The following ARHGEF3 variants were observed in gnomAD, a reference collection of about 807,000 sequenced individuals.
ARHGEF3 encodes 59.8 kDA protein.
In ARHGEF3, 28 loss-of-function variants were observed where a neutral mutation model predicts 63.2. That is an observed-to-expected ratio of 0.44 (90% CI 0.33 to 0.61). The LOEUF is 0.61. Among genes scored for constraint, ARHGEF3 ranks in the 20% least tolerant of loss-of-function variants. ARHGEF3 has a pLI of 0.03. For missense variants in ARHGEF3, 533 were observed against 659.3 expected, an observed-to-expected ratio of 0.81 and a Z score of 2.10; for synonymous variants, 266 against 254.2, an observed-to-expected ratio of 1.05 and a Z score of -0.44.
intron 2 of ARHGEF3, among the ~76,000 whole-genome samples, chr3:56,981,324 T>C (rs1424652619): frequency 6.6e-6 from 1 of 152,210 alleles, no homozygotes; most frequent in Non-Finnish European, 1.5e-5. Context: ...TAATGCATCA[T>C]TCTAGCCTTT....
At chr3:56,848,441 C>T (rs115862371) in intron 4 of ARHGEF3, among the ~76,000 whole-genome samples, 1 of 152,268 alleles carries the variant, frequency 6.6e-6, no homozygotes, top group Non-Finnish European at 1.5e-5. Flanking sequence ...GGCTATAATA[C>T]CCTCTCCCTT....
chr3:57,042,682 A>T (rs1560156135), intron 1 of ARHGEF3, among the ~76,000 whole-genome samples: 14 of 17,296 alleles, frequency 8.1e-4, no homozygotes, highest in African/African-American at 3.3e-3. Flanking sequence ...ATATATATAT[A>T]TATATATATA....
intron 2 of ARHGEF3, among the ~76,000 whole-genome samples, chr3:57,004,404 G>A (rs950521190): frequency 2.6e-5 from 4 of 152,148 alleles, no homozygotes; most frequent in Admixed American, 6.5e-5. Flanking sequence ...TCAGTGGCTC[G>A]TCTGCATTTA....
At chr3:56,934,819 C>T (rs866062750) in intron 3 of ARHGEF3, among the ~76,000 whole-genome samples, 21 of 152,242 alleles carry the variant, frequency 1.4e-4, no homozygotes, top group African/African-American at 4.8e-4. Context: ...TGCACCCAGT[C>T]CCATCGACCA....
At chr3:56,941,019 T>C (rs1289215406) in intron 3 of ARHGEF3, 1 of 152,254 alleles carries the variant, frequency 6.6e-6, no homozygotes, top group Non-Finnish European at 1.5e-5. Context: ...ACTCAGACTC[T>C]GGGCTGACCA....
intron 1 of ARHGEF3, among the ~76,000 whole-genome samples, chr3:56,777,688 T>C (rs1192473798): frequency 6.6e-6 from 1 of 152,182 alleles, no homozygotes; most frequent in African/African-American, 2.4e-5. Flanking sequence ...TGCACTTCCT[T>C]TTTGCAGCCA....
At chr3:56,976,496 T>A (rs893392891) in intron 2 of ARHGEF3, among the ~76,000 whole-genome samples, 3 of 152,212 alleles carry the variant, frequency 2.0e-5, no homozygotes, top group South Asian at 2.1e-4. Flanking sequence ...CAATACTATA[T>A]TGATCAGAAA....
At chr3:57,066,270 C>CTT (rs796586047) in intron 1 of ARHGEF3, among the ~76,000 whole-genome samples, 3 of 145,312 alleles carry the variant, frequency 2.1e-5, no homozygotes, top group Non-Finnish European at 3.0e-5. Context: ...TCCTTTCTTT[C>CTT]TTTTTTTTTT....
intron 3 of ARHGEF3, among the ~76,000 whole-genome samples, chr3:56,890,869 A>C (rs565359981): frequency 6.6e-6 from 1 of 152,350 alleles, no homozygotes; most frequent in African/African-American, 2.4e-5. Context: ...ACTTGGCAGC[A>C]AATAGTCCCT....
At chr3:56,960,080 A>G (rs1473798730) in intron 2 of ARHGEF3, among the ~76,000 whole-genome samples, 1 of 152,244 alleles carries the variant, frequency 6.6e-6, no homozygotes, top group Non-Finnish European at 1.5e-5. Context: ...TGTAGTGACC[A>G]GTGTACAGGC....
intron 2 of ARHGEF3, among the ~76,000 whole-genome samples, chr3:56,994,082 A>AAAAAAAAAAAAAAAAAAAAAAAAAAAC (rs1433202567): frequency 6.9e-6 from 1 of 144,242 alleles, no homozygotes. Flanking sequence ...AAAAAAAAAA[A>AAAAAAAAAAAAAAAAAAAAAAAAAAAC]AAAGCACACT....
intron 3 of ARHGEF3, among the ~76,000 whole-genome samples, chr3:56,936,085 GA>G (rs1207644737): frequency 1.3e-5 from 2 of 152,132 alleles, no homozygotes; most frequent in Non-Finnish European, 2.9e-5. Flanking sequence ...CCCAGTGCAA[GA>G]AAGAAAAACT....
At chr3:56,931,784 C>T (rs1391909795) in intron 3 of ARHGEF3, among the ~76,000 whole-genome samples, 1 of 152,102 alleles carries the variant, frequency 6.6e-6, no homozygotes, top group Non-Finnish European at 1.5e-5. Flanking sequence ...ATGTGCCCAA[C>T]ACAGAGAGGC....
rs1229028276 is a variant in ARHGEF3, at chr3:57,020,737, G to A, written c.62+14351C>T. Among the ~76,000 whole-genome samples, 5 of 152,192 alleles carry A rather than the reference G, an allele frequency of 3.3e-5. No individual in the cohort carries two copies. The South Asian group carries it at 1.0e-3, about 31-fold the overall frequency. On this transcript the variant is annotated intron_variant, in intron 2 of 12. Transcript: ENST00000338458. ...GACAGCAAGGCCTAATCGACACTGA[G>A]CCCCTGGATCCCACCATGCCTGAGG...
intron 4 of ARHGEF3, among the ~76,000 whole-genome samples, chr3:56,847,312 A>C (rs956616195): frequency 2.0e-5 from 3 of 152,216 alleles, no homozygotes; most frequent in Non-Finnish European, 4.4e-5. Flanking sequence ...CATAATTCTA[A>C]GACTCAAATT....
intron 1 of ARHGEF3, among the ~76,000 whole-genome samples, chr3:56,776,235 A>G (rs1318320379): frequency 6.6e-6 from 1 of 152,144 alleles, no homozygotes; most frequent in Non-Finnish European, 1.5e-5. Flanking sequence ...GCACAGCTAT[A>G]AGATGTAGGT....
chr3:56,799,526 A>G (rs2107960047), intron 1 of ARHGEF3, among the ~76,000 whole-genome samples: 1 of 152,388 alleles, frequency 6.6e-6, no homozygotes, highest in East Asian at 1.9e-4. Flanking sequence ...TTTCAGAGGA[A>G]TTAACAGTCA....
chr3:56,916,415 G>T, intron 3 of ARHGEF3: 1 of 1,508,368 alleles, frequency 6.6e-7, no homozygotes, highest in Non-Finnish European at 8.8e-7. Flanking sequence ...AGGATTCTCT[G>T]AACAGGGCTG....
At chr3:56,922,723 A>T (rs1445736957) in intron 3 of ARHGEF3, among the ~76,000 whole-genome samples, 5 of 152,152 alleles carry the variant, frequency 3.3e-5, no homozygotes, top group Non-Finnish European at 5.9e-5. Flanking sequence ...CAATAAATTA[A>T]TATTTGGGCT....
Sources: gnomAD v4.1 joint callset for allele counts (sites outside exome capture counted in the v4.1 genomes callset) on GRCh38, gnomAD v4.1.1 for gene constraint, MANE v1.5 for transcripts, NCBI Gene and HGNC (gene_info 2026-07-23, HGNC 2026-07-21) for gene names.